OTUD7A: variants seen among roughly 807,000 people sequenced by gnomAD.
The protein encoded by OTUD7A is OTU deubiquitinase 7A, also known as OTU domain-containing protein 7A.
A neutral mutation model predicts 65.7 loss-of-function variants in OTUD7A; 12 were observed. The ratio of observed to expected loss-of-function variants is 0.18; its 90% confidence interval spans 0.12 to 0.30. The LOEUF (loss-of-function observed/expected upper bound fraction) is 0.30, where lower values mean the gene tolerates loss of function less well. OTUD7A is among the 10% of genes least tolerant of loss of function. The pLI, the probability that OTUD7A is intolerant of heterozygous loss-of-function variation, is 1.00. For missense variants in OTUD7A, 1,148 were observed against 1,304.8 expected (o/e 0.88, Z 1.85); for synonymous variants, 641 against 586.3 (o/e 1.09, Z -1.35).
intron 1 of OTUD7A, among the ~76,000 whole-genome samples, chr15:31,761,533 C>A (rs989213718): frequency 1.3e-5 from 2 of 152,082 alleles, no homozygotes; most frequent in African/African-American, 4.8e-5. Context: ...TAAGTGTTGA[C>A]AAAGATGTGG....
intron 3 of OTUD7A, among the ~76,000 whole-genome samples, chr15:31,591,127 G>A (rs372529076): frequency 6.6e-6 from 1 of 152,044 alleles, no homozygotes; most frequent in African/African-American, 2.4e-5. Flanking sequence ...GGAAGAGGGA[G>A]GGCAATATGG....
At chr15:31,510,366 T>C (rs1339127252) in intron 8 of OTUD7A, among the ~76,000 whole-genome samples, 1 of 151,440 alleles carries the variant, frequency 6.6e-6, no homozygotes, top group Admixed American at 6.6e-5. Context: ...GGCGTCATGC[T>C]TGGTGTTTTT....
At chr15:31,769,630 T>TA (rs1371727455) in intron 1 of OTUD7A, among the ~76,000 whole-genome samples, 2 of 152,190 alleles carry the variant, frequency 1.3e-5, no homozygotes, top group Non-Finnish European at 2.9e-5. Context: ...TTTTCAGCAA[T>TA]AAAAAGGAAT....
At chr15:31,748,541 C>T (rs983449556) in intron 1 of OTUD7A, among the ~76,000 whole-genome samples, 5 of 151,716 alleles carry the variant, frequency 3.3e-5, no homozygotes, top group African/African-American at 9.7e-5. Flanking sequence ...TATATGGGGT[C>T]CTTTGTGTCA....
chr15:31,669,177 G>T (rs557982151), intron 1 of OTUD7A, among the ~76,000 whole-genome samples: 2 of 152,338 alleles, frequency 1.3e-5, no homozygotes, highest in African/African-American at 4.8e-5. Context: ...GTGGTAGCAT[G>T]GAGAAGAACC....
At chr15:31,568,275 A>C (rs528185681) in intron 4 of OTUD7A, among the ~76,000 whole-genome samples, 1 of 152,376 alleles carries the variant, frequency 6.6e-6, no homozygotes, top group Admixed American at 6.5e-5. Context: ...TGTGCCCTGG[A>C]TGTGAGACAT....
At chr15:31,720,503 C>T (rs2141348022) in intron 1 of OTUD7A, among the ~76,000 whole-genome samples, 1 of 151,930 alleles carries the variant, frequency 6.6e-6, no homozygotes, top group South Asian at 2.1e-4. Context: ...GGGGTTCACA[C>T]CATTCTCCTG....
At position 31,663,520 on chromosome 15, in the gene OTUD7A, T is replaced by G. The variant is rs375004940; in HGVS notation, c.-99-6443A>C. On this transcript the variant is annotated intron_variant, in intron 1 of 12. Transcript: ENST00000307050. ...TCATTGTTCAGCTCTCACTTATAAGTGAGAACATGTGGTGTTTGGTTTTCT... is the reference window on the plus strand; with the variant it reads ...TCATTGTTCAGCTCTCACTTATAAGGGAGAACATGTGGTGTTTGGTTTTCT... Among the ~76,000 whole-genome samples the G allele has an allele frequency of 7.4e-5, 11 of 148,042 alleles. No homozygotes were observed. In the East Asian group the frequency reaches 2.1e-3, roughly 28 times the overall value.
At chr15:31,841,918 G>C (rs193146023) in intron 1 of OTUD7A, among the ~76,000 whole-genome samples, 1 of 152,266 alleles carries the variant, frequency 6.6e-6, no homozygotes, top group East Asian at 1.9e-4. Flanking sequence ...CAGATGTTTG[G>C]CAGAATATGC....
intron 1 of OTUD7A, among the ~76,000 whole-genome samples, chr15:31,772,837 G>A (rs1046842473): frequency 6.6e-6 from 1 of 152,112 alleles, no homozygotes; most frequent in Non-Finnish European, 1.5e-5. Context: ...AATTCTAACT[G>A]TGGTTAATAT....
chr15:31,487,716 C>A lies in OTUD7A; in HGVS notation c.1172-150G>T. The A allele has an allele frequency of 1.6e-6, 1 of 641,376 alleles. No homozygotes were observed. 39.7% of individuals were successfully genotyped at this position (641,376 alleles called of 1,614,324 possible). ...CCAGCAGGAGCATGAAGACCAAAAC[C>A]ACTATTGCTAGTTTTTAAAATTTCG... On this transcript the variant is annotated intron_variant, in intron 10 of 12. Transcript: ENST00000307050. This position sits in a 1 kb window ranked among gnomAD's most constrained non-coding sequence, Gnocchi z 6.0.
At chr15:31,726,058 T>G (rs1188940776) in intron 1 of OTUD7A, among the ~76,000 whole-genome samples, 2 of 147,914 alleles carry the variant, frequency 1.4e-5, no homozygotes, top group Non-Finnish European at 3.0e-5. Flanking sequence ...GACAGAGTTT[T>G]TTTTTTTTTT....
intron 3 of OTUD7A, among the ~76,000 whole-genome samples, chr15:31,604,493 A>G (rs1173712617): frequency 1.1e-4 from 17 of 152,208 alleles, no homozygotes; most frequent in Non-Finnish European, 1.2e-4. Context: ...TACCTAATGT[A>G]GATGACGGGT....
chr15:31,750,582 C>T (rs1027194667), intron 1 of OTUD7A, among the ~76,000 whole-genome samples: 3 of 151,990 alleles, frequency 2.0e-5, no homozygotes, highest in African/African-American at 7.3e-5. Context: ...AAGCTGGAGG[C>T]ATCTCATTAC....
intron 1 of OTUD7A, among the ~76,000 whole-genome samples, chr15:31,805,436 G>A (rs983852604): frequency 6.6e-6 from 1 of 152,218 alleles, no homozygotes; most frequent in African/African-American, 2.4e-5. Context: ...GGCCCTGTAT[G>A]CAGGAAGGGC....
chr15:31,584,174 G>A (rs1889457506), intron 3 of OTUD7A, among the ~76,000 whole-genome samples: 1 of 152,174 alleles, frequency 6.6e-6, no homozygotes, highest in Non-Finnish European at 1.5e-5. Context: ...TATAGCTGTG[G>A]AGTCACAGCT....
At chr15:31,817,269 T>C (rs1166788317) in intron 1 of OTUD7A, among the ~76,000 whole-genome samples, 1 of 106,726 alleles carries the variant, frequency 9.4e-6, no homozygotes, top group East Asian at 3.3e-4. Flanking sequence ...CCACCCTAGA[T>C]CATTTGCCCC....
chr15:31,684,857 T>C (rs937030946), intron 1 of OTUD7A, among the ~76,000 whole-genome samples: 6 of 148,858 alleles, frequency 4.0e-5, no homozygotes, highest in Admixed American at 3.4e-4. Flanking sequence ...AAAGATGCGA[T>C]GTCAGGAGGC....
intron 1 of OTUD7A, among the ~76,000 whole-genome samples, chr15:31,808,128 C>CACAG (rs1896321856): frequency 8.9e-6 from 1 of 112,396 alleles, no homozygotes; most frequent in Non-Finnish European, 2.0e-5. Flanking sequence ...CACACACACA[C>CACAG]ACACACACAA....
Sources: gnomAD v4.1 joint callset for allele counts (sites outside exome capture counted in the v4.1 genomes callset) on GRCh38, gnomAD v4.1.1 for gene constraint, Gnocchi (gnomAD v3.1) non-coding constraint, MANE v1.5 for transcripts, NCBI Gene and HGNC (gene_info 2026-07-23, HGNC 2026-07-21) for gene names.